RILPL1: variants seen among roughly 807,000 people sequenced by gnomAD.
RILPL1 encodes the protein Rab interacting lysosomal protein like 1, also known as RILP-like protein 1.
RILPL1 carries 33 observed loss-of-function variants against 50.3 expected under a neutral mutation model. The observed-to-expected ratio is 0.66, with a 90% confidence interval of 0.50 to 0.88. The LOEUF (loss-of-function observed/expected upper bound fraction) is 0.88. Among genes scored for constraint, RILPL1 ranks in the 40% least tolerant of loss-of-function variants. The probability of loss-of-function intolerance (pLI) is 0.00; values close to 1 mark genes in which losing one functional copy is unlikely to be tolerated. For missense variants in RILPL1, 418 were observed against 542.5 expected, an observed-to-expected ratio of 0.77 and a Z score of 2.28; for synonymous variants, 205 against 228.6, an observed-to-expected ratio of 0.90 and a Z score of 0.93.
Position 123,472,488 on chromosome 12 carries a change from C to T in RILPL1, c.*50G>A, listed in dbSNP as rs1164001636. ...TGACCCCTGGGCTGCAGTTCGGTTG[C>T]AGGCGCTGGTGGCGGGCAGTCCAGG... On this transcript the variant is annotated 3_prime_UTR_variant, in exon 7 of 7. Transcript: ENST00000376874. The T allele has an allele frequency of 5.2e-6, 8 of 1,546,386 alleles. No homozygotes were observed. The highest frequency in any genetic ancestry group is 7.0e-6 in the Non-Finnish European group (8 of 1,144,406).
intron 2 of RILPL1, among the ~76,000 whole-genome samples, chr12:123,508,231 T>C (rs1883874876): frequency 6.6e-6 from 1 of 151,884 alleles, no homozygotes; most frequent in South Asian, 2.1e-4. Flanking sequence ...TCGTCTCTAC[T>C]AAAAATAAAA....
chr12:123,475,847 G>T, intron 6 of RILPL1: 2 of 741,900 alleles, frequency 2.7e-6, no homozygotes, highest in Non-Finnish European at 4.7e-6. Flanking sequence ...GTTTGATTAG[G>T]GTCTAAGTTA....
At chr12:123,528,265 G>A (rs1227145078) in intron 1 of RILPL1, among the ~76,000 whole-genome samples, 3 of 151,332 alleles carry the variant, frequency 2.0e-5, no homozygotes, top group African/African-American at 7.3e-5. Context: ...AAGCTGAGGC[G>A]GGAGGATTGC....
intron 6 of RILPL1, among the ~76,000 whole-genome samples, chr12:123,482,899 A>G (rs1372024784): frequency 6.6e-6 from 1 of 152,176 alleles, no homozygotes; most frequent in Non-Finnish European, 1.5e-5. Context: ...TACCGCACCC[A>G]GCCCCAAGGG....
chr12:123,500,230 T>G (rs1883289403), intron 2 of RILPL1, among the ~76,000 whole-genome samples: 1 of 147,944 alleles, frequency 6.8e-6, no homozygotes, highest in African/African-American at 2.5e-5. Context: ...GCGCCCGGCC[T>G]CATGTATTAC....
At chr12:123,523,751 C>G (rs1885153954) in intron 1 of RILPL1, 106 bp from the exon 2 acceptor site, 1 of 1,342,486 alleles carries the variant, frequency 7.4e-7, no homozygotes, top group South Asian at 1.3e-5. Flanking sequence ...TTGGGCCATC[C>G]CCTTCCTCGT....
At chr12:123,488,991 C>G (rs1452413876) in intron 4 of RILPL1, among the ~76,000 whole-genome samples, 1 of 152,156 alleles carries the variant, frequency 6.6e-6, no homozygotes, top group Non-Finnish European at 1.5e-5. Context: ...CCGGAACCAC[C>G]CGGCAGCCAC....
intron 2 of RILPL1, chr12:123,515,323 A>G (rs974836612): frequency 6.6e-6 from 1 of 152,128 alleles, no homozygotes; most frequent in Admixed American, 6.5e-5. Flanking sequence ...ATTTGTGTGT[A>G]GATAGAAAGG....
rs1365780809 is a variant in RILPL1, at chr12:123,498,871, C to T, written c.580-106G>A. Reference sequence around the variant, plus strand: ...ATAGGTGTGCCATTTACATTGCAGACATCTTTGTTTGAAAGTTGTTCGTAT... The same window carrying T: ...ATAGGTGTGCCATTTACATTGCAGATATCTTTGTTTGAAAGTTGTTCGTAT... On this transcript the variant is annotated intron_variant, in intron 3 of 6. Transcript: ENST00000376874. The surrounding 1 kb of genome is among the most constrained non-coding windows in gnomAD (Gnocchi z 4.3). 17 of 1,030,644 alleles carry T rather than the reference C, an allele frequency of 1.6e-5. No individual in the cohort carries two copies. The East Asian group carries it at 3.8e-4, about 23-fold the overall frequency. The allele number at this position is 1,030,644 out of a possible 1,614,324, so 63.8% of individuals were successfully genotyped here. A position where few individuals can be genotyped will look rare whatever the true frequency, so the allele number is the denominator to read the frequency against.
intron 2 of RILPL1, among the ~76,000 whole-genome samples, chr12:123,505,562 C>T (rs1883693042): frequency 6.6e-6 from 1 of 152,176 alleles, no homozygotes. Context: ...AAGCAATCCT[C>T]CCACCTGAGT....
intron 2 of RILPL1, among the ~76,000 whole-genome samples, chr12:123,501,525 G>A (rs1193510420): frequency 6.6e-6 from 1 of 152,124 alleles, no homozygotes; most frequent in Non-Finnish European, 1.5e-5. Context: ...ACTTTGGGAA[G>A]CCGAGGTGGG....
chr12:123,475,803 A>G, intron 6 of RILPL1: 1 of 1,168,098 alleles, frequency 8.6e-7, no homozygotes, highest in East Asian at 2.5e-5. Flanking sequence ...GGAGGCATGA[A>G]AAAGAAACAA....
At chr12:123,512,697 TTGTATGTGTGTGG>T (rs1884419832) in intron 2 of RILPL1, among the ~76,000 whole-genome samples, 1 of 113,346 alleles carries the variant, frequency 8.8e-6, no homozygotes, top group Non-Finnish European at 1.8e-5. Context: ...TGTGTGAGGT[TTGTATGTGTGTGG>T]TGTGTGTGAG....
chr12:123,524,014 CAGTT>C (rs1453555839), intron 1 of RILPL1, among the ~76,000 whole-genome samples: 1 of 152,232 alleles, frequency 6.6e-6, no homozygotes, highest in Non-Finnish European at 1.5e-5. Context: ...TCTGGACAGA[CAGTT>C]GGGACAAACC....
At chr12:123,500,154 TCTC>T (rs1380330631) in intron 2 of RILPL1, among the ~76,000 whole-genome samples, 1 of 151,598 alleles carries the variant, frequency 6.6e-6, no homozygotes, top group Non-Finnish European at 1.5e-5. Context: ...ATGGTCTCGA[TCTC>T]CTGACCTCGT....
At chr12:123,476,040 G>T in intron 6 of RILPL1, 1 of 308,290 alleles carries the variant, frequency 3.2e-6, no homozygotes, top group Non-Finnish European at 6.2e-6. Flanking sequence ...AGTGGCTAGG[G>T]ATTATAGGCG....
At chr12:123,490,884 G>A (rs1882650092) in intron 4 of RILPL1, among the ~76,000 whole-genome samples, 2 of 152,036 alleles carry the variant, frequency 1.3e-5, no homozygotes, top group Non-Finnish European at 2.9e-5. Flanking sequence ...TCAAGTAGCT[G>A]GGAGTACAGG....
At chr12:123,495,262 C>T (rs34351395) in intron 4 of RILPL1, among the ~76,000 whole-genome samples, 28,008 of 152,044 alleles carry the variant, frequency 0.18, 2,778 homozygotes, top group Middle Eastern at 0.24. Context: ...CTGAGAAGGT[C>T]GGAGCCACAT....
intron 2 of RILPL1, 88 bp downstream of exon 2, chr12:123,523,407 C>T (rs771568150): frequency 1.6e-5 from 23 of 1,483,750 alleles, no homozygotes; most frequent in Middle Eastern, 1.8e-4. Flanking sequence ...ACCGCATCAG[C>T]GTCCAGGGGT....
Sources: gnomAD v4.1 joint callset for allele counts (sites outside exome capture counted in the v4.1 genomes callset) on GRCh38, gnomAD v4.1.1 for gene constraint, Gnocchi (gnomAD v3.1) non-coding constraint, MANE v1.5 for transcripts, NCBI Gene and HGNC (gene_info 2026-07-23, HGNC 2026-07-21) for gene names.